CDH13: variants seen among roughly 807,000 people sequenced by gnomAD.
The protein encoded by CDH13 is cadherin 13, also known as cadherin-13.
In CDH13, 24 loss-of-function variants were observed where a neutral mutation model predicts 63.8. That is an observed-to-expected ratio of 0.38 (90% CI 0.27 to 0.53). CDH13 has a LOEUF of 0.53. Among genes scored for constraint, CDH13 ranks in the 20% least tolerant of loss-of-function variants. The pLI is 0.85. For missense variants in CDH13, 1,049 were observed against 903.1 expected (o/e 1.16, Z -2.07); for synonymous variants, 503 against 355.3 (o/e 1.42, Z -4.67).
intron 5 of CDH13, among the ~76,000 whole-genome samples, chr16:83,233,744 T>C (rs904558565): frequency 6.6e-6 from 1 of 152,190 alleles, no homozygotes; most frequent in Non-Finnish European, 1.5e-5. Flanking sequence ...ATTGGGCCCA[T>C]CTACATAATC....
chr16:82,663,760 C>T (rs1215496482), intron 1 of CDH13, among the ~76,000 whole-genome samples: 2 of 152,182 alleles, frequency 1.3e-5, no homozygotes, highest in African/African-American at 4.8e-5. Flanking sequence ...GCCAAAGAGC[C>T]CACATAAGAA....
intron 5 of CDH13, among the ~76,000 whole-genome samples, chr16:83,255,913 T>C (rs1442064153): frequency 6.6e-6 from 1 of 152,128 alleles, no homozygotes; most frequent in East Asian, 1.9e-4. Context: ...TGGCACATAG[T>C]TGGCATAGAA....
At chr16:82,627,206 G>C in intron 1 of CDH13, 69 bp downstream of exon 1, 1 of 1,394,790 alleles carries the variant, frequency 7.2e-7, no homozygotes, top group East Asian at 2.4e-5. Context: ...GGCACGGGCA[G>C]GGTGAGGGGG....
chr16:82,652,191 T>C (rs1910798188), intron 1 of CDH13, among the ~76,000 whole-genome samples: 1 of 152,228 alleles, frequency 6.6e-6, no homozygotes, highest in Non-Finnish European at 1.5e-5. Context: ...TCCATTTCCC[T>C]GGAGAGTCTT....
At chr16:83,186,936 T>C (rs920028889) in intron 4 of CDH13, among the ~76,000 whole-genome samples, 1 of 152,078 alleles carries the variant, frequency 6.6e-6, no homozygotes. Flanking sequence ...TAATGAAAAT[T>C]GTAACCTATT....
chr16:83,234,620 C>A lies in CDH13; in HGVS notation c.636+17123C>A, dbSNP rs975576258. Among the ~76,000 whole-genome samples the A allele has an allele frequency of 3.3e-5, 5 of 152,160 alleles. No individual in the cohort carries two copies. In the South Asian group the frequency reaches 6.2e-4, roughly 19 times the overall value. On this transcript the variant is annotated intron_variant, in intron 5 of 13. Coordinates refer to ENST00000567109, the MANE Select transcript of CDH13 (RefSeq NM_001257.5). ...CGTGAGTGTGTTTCCTGAATGATCA[C>A]TTAGAAGTTAAGTCTCCCCTGCCAT...
chr16:83,581,516 C>A (rs543564265), intron 7 of CDH13, among the ~76,000 whole-genome samples: 6 of 152,164 alleles, frequency 3.9e-5, no homozygotes, highest in Non-Finnish European at 8.8e-5. Context: ...TCTCAGGCCA[C>A]CCTATTTAAA....
intron 2 of CDH13, among the ~76,000 whole-genome samples, chr16:82,928,121 G>A (rs570893125): frequency 6.6e-6 from 1 of 151,768 alleles, no homozygotes; most frequent in South Asian, 2.1e-4. Flanking sequence ...TGTACTATTT[G>A]GTCATTTTTC....
intron 13 of CDH13, among the ~76,000 whole-genome samples, chr16:83,793,332 G>A (rs1347947030): frequency 1.3e-5 from 2 of 152,140 alleles, no homozygotes; most frequent in African/African-American, 4.8e-5. Context: ...CCGGATCTGA[G>A]CATCCTAGAG....
intron 7 of CDH13, among the ~76,000 whole-genome samples, chr16:83,534,783 T>C (rs1416136789): frequency 6.6e-6 from 1 of 152,262 alleles, no homozygotes; most frequent in Non-Finnish European, 1.5e-5. Flanking sequence ...GCTATGAGCA[T>C]GCATTTGCAA....
At chr16:82,936,567 G>A (rs993200496) in intron 2 of CDH13, among the ~76,000 whole-genome samples, 2 of 152,168 alleles carry the variant, frequency 1.3e-5, no homozygotes, top group Non-Finnish European at 2.9e-5. Context: ...TATTAAAACA[G>A]TAGGCCCCCC....
chr16:82,784,114 C>G (rs983241494), intron 1 of CDH13, among the ~76,000 whole-genome samples: 3 of 151,980 alleles, frequency 2.0e-5, no homozygotes, highest in Non-Finnish European at 4.4e-5. Context: ...AGAAATCCAC[C>G]CCCAAATTTC....
intron 2 of CDH13, among the ~76,000 whole-genome samples, chr16:82,913,887 A>C (rs1431767085): frequency 6.6e-6 from 1 of 152,136 alleles, no homozygotes; most frequent in African/African-American, 2.4e-5. Flanking sequence ...TTTAATCCTT[A>C]AGGAGACTGC....
rs925375427 is a variant in CDH13 at position 83,665,666 on chromosome 16, G to T, written c.1102-5124G>T. Among the ~76,000 whole-genome samples the T allele has an allele frequency of 4.6e-5, 7 of 152,172 alleles. No homozygotes were observed. In the East Asian group the frequency reaches 1.2e-3, roughly 25 times the overall value. On this transcript the variant is annotated intron_variant, in intron 8 of 13. Transcript: ENST00000567109. The stretch of plus-strand genomic sequence containing the variant: ...TGTGAAACTTTAGGGTTAATGGCTC[G>T]TGAACTTAGTCTAGTATTCAGGTCA...
At chr16:83,423,444 A>C (rs956548035) in intron 6 of CDH13, among the ~76,000 whole-genome samples, 1 of 152,078 alleles carries the variant, frequency 6.6e-6, no homozygotes, top group South Asian at 2.1e-4. Context: ...GGAATCCTTG[A>C]TCTCGCATCT....
At chr16:83,430,152 G>A (rs1567667074) in intron 6 of CDH13, among the ~76,000 whole-genome samples, 2 of 152,212 alleles carry the variant, frequency 1.3e-5, no homozygotes, top group Non-Finnish European at 2.9e-5. Context: ...TCAGGATCTT[G>A]AGGACGTATT....
chr16:83,205,214 G>T (rs2039146097), intron 4 of CDH13, among the ~76,000 whole-genome samples: 1 of 152,194 alleles, frequency 6.6e-6, no homozygotes, highest in Non-Finnish European at 1.5e-5. Context: ...TTTTCAAAGG[G>T]CTCAGTGATC....
At chr16:82,831,082 C>G (rs567620384) in intron 1 of CDH13, among the ~76,000 whole-genome samples, 2 of 152,066 alleles carry the variant, frequency 1.3e-5, no homozygotes, top group Non-Finnish European at 2.9e-5. Context: ...GACCAAGCAG[C>G]TTCAGCATCA....
chr16:83,152,648 A>G (rs1018271794), intron 4 of CDH13, among the ~76,000 whole-genome samples: 8 of 152,226 alleles, frequency 5.3e-5, no homozygotes, highest in African/African-American at 1.9e-4. Flanking sequence ...CTTAGCAATA[A>G]TATGGGACTA....
Sources: allele counts gnomAD v4.1 joint callset (sites outside exome capture counted in the v4.1 genomes callset), GRCh38; gene constraint gnomAD v4.1.1; transcripts MANE v1.5; gene names NCBI Gene and HGNC (gene_info 2026-07-23, HGNC 2026-07-21).